The following TRIM33 variants were observed in gnomAD, a reference collection of about 807,000 sequenced individuals.
TRIM33 encodes the protein tripartite motif containing 33.
TRIM33 carries 20 observed loss-of-function variants against 125.4 expected under a neutral mutation model. The ratio of observed to expected loss-of-function variants is 0.16; its 90% CI spans 0.11 to 0.23. The LOEUF (loss-of-function observed/expected upper bound fraction) is 0.23. Ranked by LOEUF, TRIM33 falls within the 10% of genes least tolerant of loss-of-function variation. The probability of loss-of-function intolerance (pLI) is 1.00; values close to 1 mark genes in which losing one functional copy is unlikely to be tolerated. For synonymous variants in TRIM33, 564 were observed against 513.9 expected, an observed-to-expected ratio of 1.10 and a Z score of -1.32; for missense variants, 920 against 1,411.4, an observed-to-expected ratio of 0.65 and a Z score of 5.58.
At position 114,488,636 on chromosome 1, in the gene TRIM33, C is replaced by A. The variant is rs543107135; in HGVS notation, c.526+21915G>T. The stretch of plus-strand genomic sequence containing the variant: ...AAAATTAGCCAGGCGTGGTGGCATG[C>A]GGCTGCAGTCCCAGCTACTAGGAGT... On this transcript the variant is annotated intron_variant, in intron 1 of 19. Transcript: ENST00000358465. Among the ~76,000 whole-genome samples the A allele has an allele frequency of 2.6e-5, 4 of 152,016 alleles. No individual in the cohort carries two copies. The East Asian group carries it at 7.7e-4, about 29-fold the overall frequency.
rs66490349 is a variant in TRIM33, at chr1:114,397,589, G to GTTTTTTTTTT, written c.*49_*58dup. On this transcript the variant is annotated 3_prime_UTR_variant, in exon 20 of 20. Transcript: ENST00000358465. ...CTTAAAAGTTTTCTGGGTTTTTTGT[G>GTTTTTTTTTT]TTTTTTTTTTTTTTTTCGTTTTTTT... The GTTTTTTTTTT allele has an allele frequency of 3.2e-4, 204 of 640,144 alleles. 1 individual carries two copies. The highest frequency in any genetic ancestry group is 2.0e-3 in the African/African-American group (73 of 36,390). The allele number at this position is 640,144 out of a possible 1,614,324, so 39.7% of individuals were successfully genotyped here.
At chr1:114,474,970 G>A (rs537861469) in intron 1 of TRIM33, among the ~76,000 whole-genome samples, 1 of 150,406 alleles carries the variant, frequency 6.6e-6, no homozygotes, top group Admixed American at 6.6e-5. Context: ...AATCATTAGA[G>A]ACAAGAGCAA....
intron 1 of TRIM33, among the ~76,000 whole-genome samples, chr1:114,480,999 C>T (rs1290321016): frequency 6.6e-6 from 1 of 152,040 alleles, no homozygotes; most frequent in Non-Finnish European, 1.5e-5. Context: ...TGGTGAAACC[C>T]TGTCTCTACT....
intron 4 of TRIM33, among the ~76,000 whole-genome samples, chr1:114,454,350 A>T (rs944289526): frequency 2.0e-5 from 3 of 152,152 alleles, no homozygotes; most frequent in Non-Finnish European, 4.4e-5. Context: ...CCAATTCCAG[A>T]GGAGTTGAAC....
At chr1:114,427,928 CA>C in intron 6 of TRIM33, 34 bp from the exon 7 acceptor site, 1 of 1,601,514 alleles carries the variant, frequency 6.2e-7, no homozygotes. Context: ...TGTAGAATTC[CA>C]TATGAAAAAA....
intron 10 of TRIM33, among the ~76,000 whole-genome samples, chr1:114,422,724 C>G (rs1026794096): frequency 1.3e-5 from 2 of 151,390 alleles, no homozygotes; most frequent in African/African-American, 4.9e-5. Flanking sequence ...ACTCCAAAAC[C>G]TGGGTAACAA....
At chr1:114,503,811 A>C (rs924816416) in intron 1 of TRIM33, among the ~76,000 whole-genome samples, 2 of 152,244 alleles carry the variant, frequency 1.3e-5, no homozygotes, top group Non-Finnish European at 2.9e-5. Context: ...CACTTCTGAG[A>C]AAATGGCTGC....
intron 10 of TRIM33, 79 bp downstream of exon 10, chr1:114,424,512 C>T: frequency 7.6e-7 from 1 of 1,323,468 alleles, no homozygotes; most frequent in Non-Finnish European, 1.0e-6. Flanking sequence ...CAATGACCTG[C>T]TCCCAAAAAG....
intron 1 of TRIM33, among the ~76,000 whole-genome samples, chr1:114,505,570 G>A (rs1030654316): frequency 1.3e-5 from 2 of 151,990 alleles, no homozygotes; most frequent in African/African-American, 2.4e-5. Context: ...TTTTTGTTTC[G>A]TTTTGTTTTG....
At chr1:114,416,024 C>CT (rs1216685267) in intron 11 of TRIM33, among the ~76,000 whole-genome samples, 1 of 151,460 alleles carries the variant, frequency 6.6e-6, no homozygotes, top group Admixed American at 6.6e-5. Context: ...TAAGAAACTC[C>CT]TTGAGGTCAA....
chr1:114,467,912 A>T (rs772921858), intron 1 of TRIM33, among the ~76,000 whole-genome samples: 29 of 152,284 alleles, frequency 1.9e-4, no homozygotes, highest in Non-Finnish European at 2.8e-4. Flanking sequence ...AAAATTACAG[A>T]TATATTTTCA....
intron 1 of TRIM33, among the ~76,000 whole-genome samples, chr1:114,496,787 G>A (rs565054622): frequency 3.3e-5 from 5 of 152,284 alleles, no homozygotes; most frequent in African/African-American, 1.2e-4. Context: ...CATGTTTGAA[G>A]AGCCTCATTT....
At chr1:114,447,766 G>A (rs576938407) in intron 4 of TRIM33, among the ~76,000 whole-genome samples, 1 of 152,320 alleles carries the variant, frequency 6.6e-6, no homozygotes, top group Non-Finnish European at 1.5e-5. Context: ...TGGTAGCCAA[G>A]TACATAAATG....
intron 11 of TRIM33, chr1:114,420,265 C>G (rs534756531): frequency 1.0e-5 from 5 of 486,234 alleles, no homozygotes; most frequent in Non-Finnish European, 2.0e-5. Context: ...TCCATCATTT[C>G]CCCCTCTCAG....
rs1042965199 is a variant in TRIM33 at position 114,487,813 on chromosome 1, C to A, written c.526+22738G>T. On this transcript the variant is annotated intron_variant, in intron 1 of 19. Transcript: ENST00000358465. ...TCGGGAGGCTGAGGCAGGAGAATGG[C>A]GTGAACCCGGGAAGCGGAGCTTGCA... 9.2e-5 allele frequency among the ~76,000 whole-genome samples: 13 copies of A among 141,710 alleles called. No homozygotes were observed. In the East Asian group the frequency reaches 2.9e-3, roughly 32 times the overall value. The allele number at this position is 141,710 out of a possible 152,430, so 93.0% of individuals were successfully genotyped here.
chr1:114,472,053 C>A (rs1479554290), intron 1 of TRIM33, among the ~76,000 whole-genome samples: 1 of 152,130 alleles, frequency 6.6e-6, no homozygotes, highest in Non-Finnish European at 1.5e-5. Context: ...CGACCACAGA[C>A]CATGCTGGAA....
intron 1 of TRIM33, among the ~76,000 whole-genome samples, chr1:114,491,572 T>C (rs1652066436): frequency 1.3e-5 from 2 of 152,022 alleles, no homozygotes; most frequent in African/African-American, 4.8e-5. Flanking sequence ...GAGGCTAAAG[T>C]AGGTAGATAA....
chr1:114,495,073 C>T (rs565571787), intron 1 of TRIM33, among the ~76,000 whole-genome samples: 13 of 152,272 alleles, frequency 8.5e-5, no homozygotes, highest in African/African-American at 2.9e-4. Flanking sequence ...GCCACCACAC[C>T]TGGCTAATTT....
chr1:114,416,380 CATAA>C (rs1401792272), intron 11 of TRIM33, among the ~76,000 whole-genome samples: 30 of 152,176 alleles, frequency 2.0e-4, no homozygotes, highest in African/African-American at 6.0e-4. Context: ...TACCTTCTTG[CATAA>C]ATAAAATGTA....
Sources: allele counts gnomAD v4.1 joint callset (sites outside exome capture counted in the v4.1 genomes callset), GRCh38; gene constraint gnomAD v4.1.1; transcripts MANE v1.5; gene names NCBI Gene and HGNC (gene_info 2026-07-23, HGNC 2026-07-21).